Variants in FAT3 observed in about 807,000 individuals in gnomAD.
The protein encoded by FAT3 is protocadherin Fat 3.
FAT3 carries 95 observed loss-of-function variants against 310.2 expected under a neutral mutation model. The ratio of observed to expected loss-of-function variants is 0.31; its 90% confidence interval spans 0.26 to 0.36. The LOEUF (loss-of-function observed/expected upper bound fraction) is 0.36, where lower values mean the gene tolerates loss of function less well. Among genes scored for constraint, FAT3 ranks in the 10% least tolerant of loss-of-function variants. The pLI is 1.00. For missense variants in FAT3, 5,408 were observed against 5,715.6 expected, an observed-to-expected ratio of 0.95 and a Z score of 1.74; for synonymous variants, 2,314 against 2,192.9, an observed-to-expected ratio of 1.06 and a Z score of -1.54.
chr11:92,754,151 T>C (rs1945908792), intron 4 of FAT3, among the ~76,000 whole-genome samples: 2 of 151,918 alleles, frequency 1.3e-5, no homozygotes, highest in South Asian at 4.2e-4. Flanking sequence ...CTAAAAAATA[T>C]ATTTAAAAAA....
In FAT3 at chr11:92,352,704, A is replaced by C. The variant is rs747416206; in HGVS notation, c.592A>C (p.Lys198Gln). The C allele has an allele frequency of 6.2e-6, 10 of 1,613,844 alleles. No homozygotes were observed. The Admixed American group carries it at 1.7e-4, about 27-fold the overall frequency. The change falls in exon 2 of 28, where the codon AAA becomes CAA. Residue 198 changes from lysine to glutamine, a missense_variant. Physicochemically the swap from Lys to Gln is moderately conservative, Grantham distance 53 (BLOSUM62 1). Coordinates refer to ENST00000525166, the MANE Select transcript of FAT3 (RefSeq NM_001367949.2). ...CAATGGAGAATTCTACTACTACTTTAAAAATAAAGTTGATCTCTTTTCAGT... is the reference window on the plus strand; with the variant it reads ...CAATGGAGAATTCTACTACTACTTTCAAAATAAAGTTGATCTCTTTTCAGT... ...GSNGEFYYYF[K>Q]NKVDLFSVHP...
chr11:92,823,463 A>C (rs1006920179), intron 13 of FAT3, among the ~76,000 whole-genome samples: 17 of 152,192 alleles, frequency 1.1e-4, no homozygotes, highest in Non-Finnish European at 4.4e-5. Context: ...GCAGTCAAAC[A>C]GAACTCCTTG....
intron 2 of FAT3, among the ~76,000 whole-genome samples, chr11:92,434,360 A>T (rs1337271726): frequency 2.0e-5 from 3 of 152,198 alleles, no homozygotes; most frequent in Non-Finnish European, 4.4e-5. Flanking sequence ...TGTCTTACAT[A>T]GTTCTGTTTA....
chr11:92,712,821 T>TATAATATAA (rs1333759873), intron 4 of FAT3, among the ~76,000 whole-genome samples: 1 of 152,232 alleles, frequency 6.6e-6, no homozygotes, highest in Non-Finnish European at 1.5e-5. Flanking sequence ...GGTTGCCAGT[T>TATAATATAA]GGTAACACAA....
chr11:92,619,797 T>A lies in FAT3; in HGVS notation c.3608-77587T>A, dbSNP rs189972509. On this transcript the variant is annotated intron_variant, in intron 3 of 27. Transcript: ENST00000525166. Reference sequence around the variant, plus strand: ...ATTTTGTCAAATTTGTTGAGCTTTTTAAAAAAAACACTTTTAGTTTTGTTG... The same window carrying A: ...ATTTTGTCAAATTTGTTGAGCTTTTAAAAAAAAACACTTTTAGTTTTGTTG... 1.5e-3 allele frequency among the ~76,000 whole-genome samples: 235 copies of A among 151,862 alleles called. 1 individual carries two copies. Among genetic ancestry groups the A allele is most frequent in the Admixed American group, 5.3e-3 (81 of 15,264 alleles).
intron 2 of FAT3, among the ~76,000 whole-genome samples, chr11:92,434,138 A>C (rs931734781): frequency 6.6e-6 from 1 of 152,124 alleles, no homozygotes; most frequent in Non-Finnish European, 1.5e-5. Context: ...TTAATCCACC[A>C]TGAGGCTAGT....
chr11:92,450,502 C>T (rs1218952477), intron 2 of FAT3, among the ~76,000 whole-genome samples: 1 of 152,134 alleles, frequency 6.6e-6, no homozygotes, highest in Non-Finnish European at 1.5e-5. Flanking sequence ...CATAATGTCA[C>T]AGCCTCTGGT....
At chr11:92,857,882 GA>G (rs921130308) in intron 20 of FAT3, among the ~76,000 whole-genome samples, 11 of 150,340 alleles carry the variant, frequency 7.3e-5, no homozygotes, top group Admixed American at 1.3e-4. Context: ...GCATCTTAAG[GA>G]AAAAAAAATC....
At chr11:92,265,063 G>A (rs1250454800) in intron 1 of FAT3, among the ~76,000 whole-genome samples, 34 of 151,906 alleles carry the variant, frequency 2.2e-4, no homozygotes, top group Admixed American at 2.2e-3. Flanking sequence ...GCTAAGCCGA[G>A]TCTAGAAATC....
At chr11:92,255,485 A>G (rs1248510855) in intron 1 of FAT3, among the ~76,000 whole-genome samples, 1 of 152,136 alleles carries the variant, frequency 6.6e-6, no homozygotes, top group Non-Finnish European at 1.5e-5. Context: ...CATATTAAAT[A>G]TATGAATGAC....
chr11:92,554,771 G>A (rs903490628), intron 3 of FAT3, among the ~76,000 whole-genome samples: 7 of 152,086 alleles, frequency 4.6e-5, no homozygotes, highest in Non-Finnish European at 8.8e-5. Flanking sequence ...ATGAAGAACC[G>A]TGTGCTATCT....
At chr11:92,833,211 A>G (rs1242949946) in intron 14 of FAT3, among the ~76,000 whole-genome samples, 1 of 152,176 alleles carries the variant, frequency 6.6e-6, no homozygotes, top group Non-Finnish European at 1.5e-5. Flanking sequence ...TTTGGTGAAT[A>G]TTCTCACTTA....
intron 2 of FAT3, among the ~76,000 whole-genome samples, chr11:92,488,808 A>C (rs977869944): frequency 3.3e-5 from 5 of 152,136 alleles, no homozygotes; most frequent in Non-Finnish European, 5.9e-5. Context: ...AAGCACGGGC[A>C]CTGAAATCCA....
intron 1 of FAT3, among the ~76,000 whole-genome samples, chr11:92,350,035 C>G (rs145009493): frequency 6.0e-4 from 90 of 150,772 alleles, no homozygotes; most frequent in African/African-American, 2.2e-3. Flanking sequence ...GAGCTCTAAT[C>G]TAGAGTCTGC....
intron 20 of FAT3, among the ~76,000 whole-genome samples, chr11:92,858,786 T>C (rs10741447): frequency 0.77 from 117,299 of 152,126 alleles, 45,502 homozygotes; most frequent in South Asian, 0.89. Flanking sequence ...CTGAAAGTTC[T>C]CGAATGCCTA....
In FAT3 at chr11:92,551,396, T is replaced by G. The variant is rs543309680; in HGVS notation, c.3607+26448T>G. Among the ~76,000 whole-genome samples, 8 of 129,404 alleles carry G rather than the reference T, an allele frequency of 6.2e-5. 1 individual carries two copies. The South Asian group carries it at 1.5e-3, about 24-fold the overall frequency. 84.9% of individuals were successfully genotyped at this position (129,404 alleles called of 152,430 possible). ...GCAACTTGGGCCTAGGTGATCTTGGTCCCATGTTTTTTTTGTTTTGTGTGT... is the reference window on the plus strand; with the variant it reads ...GCAACTTGGGCCTAGGTGATCTTGGGCCCATGTTTTTTTTGTTTTGTGTGT... On this transcript the variant is annotated intron_variant, in intron 3 of 27. Transcript: ENST00000525166.
chr11:92,730,709 A>T (rs550322739), intron 4 of FAT3, among the ~76,000 whole-genome samples: 2 of 152,324 alleles, frequency 1.3e-5, no homozygotes, highest in East Asian at 3.9e-4. Flanking sequence ...AAACCTGTTT[A>T]TTAATGTATT....
chr11:92,809,581 C>T (rs1295443620), intron 12 of FAT3, among the ~76,000 whole-genome samples: 3 of 152,130 alleles, frequency 2.0e-5, no homozygotes, highest in African/African-American at 7.2e-5. Context: ...AAAGAAAGAG[C>T]CCCTTATACC....
chr11:92,773,990 A>G (rs1397550195), intron 6 of FAT3, 51 bp from the exon 7 acceptor site: 5 of 1,601,274 alleles, frequency 3.1e-6, no homozygotes, highest in Non-Finnish European at 4.3e-6. Flanking sequence ...GATATAATGC[A>G]TGTAACAAGT....
Sources: gnomAD v4.1 joint callset for allele counts (sites outside exome capture counted in the v4.1 genomes callset) on GRCh38, gnomAD v4.1.1 for gene constraint, MANE v1.5 for transcripts, NCBI Gene and HGNC (gene_info 2026-07-23, HGNC 2026-07-21) for gene names.